Variants in CHLSN observed in about 807,000 individuals in gnomAD.
CHLSN encodes the protein protein cholesin.
the CHLSN span, among the ~76,000 whole-genome samples, chr7:1,079,481 G>C: frequency 6.6e-6 from 1 of 152,224 alleles, no homozygotes; most frequent in African/African-American, 2.4e-5. Flanking sequence ...TCTACGCTGG[G>C]GAGACGGTTT....
At chr7:1,090,578 G>C in the CHLSN span, among the ~76,000 whole-genome samples, 1 of 149,058 alleles carries the variant, frequency 6.7e-6, no homozygotes, top group Non-Finnish European at 1.5e-5. Flanking sequence ...CACGGGGCGG[G>C]TGACGGGACC....
the CHLSN span, chr7:997,722 G>A: frequency 6.8e-6 from 11 of 1,611,492 alleles, no homozygotes; most frequent in South Asian, 2.2e-5. Flanking sequence ...CAGGGCTTCC[G>A]CCTTCTGCAC....
chr7:1,003,330 TGGAGTCCTGTGGGTGG>T, the CHLSN span, among the ~76,000 whole-genome samples: 2 of 18,228 alleles, frequency 1.1e-4, no homozygotes, highest in African/African-American at 3.2e-4. Flanking sequence ...TGTGGGTGAG[TGGAGTCCTGTGGGTGG>T]GGAGTCCTGT....
At chr7:997,747 C>G in the CHLSN span, 8 of 1,537,164 alleles carry the variant, frequency 5.2e-6, no homozygotes, top group Non-Finnish European at 7.2e-6. Context: ...AGCTCTCGGG[C>G]CCGGCCCTGC....
At chr7:1,059,236 G>A in the CHLSN span, 1 of 166,938 alleles carries the variant, frequency 6.0e-6, no homozygotes, top group African/African-American at 2.4e-5. Context: ...CAAAACTAAA[G>A]AATATAAATA....
At chr7:997,795 C>G in the CHLSN span, 1 of 1,604,366 alleles carries the variant, frequency 6.2e-7, no homozygotes. Flanking sequence ...GAGAAGTGCT[C>G]ATCGGGAACC....
chr7:1,058,079 C>A, the CHLSN span: 1 of 767,048 alleles, frequency 1.3e-6, no homozygotes, highest in Non-Finnish European at 2.4e-6. Flanking sequence ...AAGCTGCCGA[C>A]GCCACGCTGG....
the CHLSN span, among the ~76,000 whole-genome samples, chr7:1,014,710 G>A: frequency 6.6e-6 from 1 of 152,262 alleles, no homozygotes; most frequent in East Asian, 1.9e-4. Context: ...CAATCTCCAC[G>A]GTTCCGAATT....
chr7:1,049,070 G>T, the CHLSN span, among the ~76,000 whole-genome samples: 2,789 of 152,306 alleles, frequency 0.018, 110 homozygotes, highest in East Asian at 0.19. Context: ...CCAGGCCTCC[G>T]CGGTCTGACC....
the CHLSN span, among the ~76,000 whole-genome samples, chr7:1,069,149 T>C: frequency 0.11 from 17,454 of 152,112 alleles, 1,226 homozygotes; most frequent in Middle Eastern, 0.26. Context: ...CTTTACCACA[T>C]GGAGAAACCC....
the CHLSN span, chr7:1,055,327 C>T: frequency 2.1e-6 from 1 of 471,140 alleles, no homozygotes. Flanking sequence ...GCGCAGGCGG[C>T]CAGGCGCGCT....
chr7:1,084,704 C>T, the CHLSN span, among the ~76,000 whole-genome samples: 1 of 152,168 alleles, frequency 6.6e-6, no homozygotes, highest in Non-Finnish European at 1.5e-5. Flanking sequence ...GACCCACGCA[C>T]CCCCACTGTA....
At chr7:1,033,923 C>T in the CHLSN span, among the ~76,000 whole-genome samples, 4 of 152,254 alleles carry the variant, frequency 2.6e-5, no homozygotes, top group East Asian at 5.8e-4. Flanking sequence ...GGTGTCCACC[C>T]TCCCACTGTC....
At chr7:1,121,000 C>T in the CHLSN span, among the ~76,000 whole-genome samples, 2 of 151,316 alleles carry the variant, frequency 1.3e-5, no homozygotes, top group South Asian at 2.1e-4. Context: ...GCCCCAAAAA[C>T]GAATGGACAT....
At chr7:1,017,329 C>T in the CHLSN span, among the ~76,000 whole-genome samples, 5 of 151,898 alleles carry the variant, frequency 3.3e-5, no homozygotes, top group African/African-American at 1.2e-4. Flanking sequence ...CCCTGCTGTG[C>T]GGGTGAAGGG....
the CHLSN span, among the ~76,000 whole-genome samples, chr7:1,082,666 C>A: frequency 6.6e-6 from 1 of 152,216 alleles, no homozygotes; most frequent in Admixed American, 6.5e-5. Context: ...CAAAGCATAT[C>A]ACAGCCCCTG....
chr7:1,080,157 A>G, the CHLSN span, among the ~76,000 whole-genome samples: 3 of 152,374 alleles, frequency 2.0e-5, no homozygotes, highest in African/African-American at 7.2e-5. Context: ...GCAGCTTTGT[A>G]TGAAGCTAAA....
chr7:1,068,218 T>C, the CHLSN span, among the ~76,000 whole-genome samples: 1,257 of 152,166 alleles, frequency 8.3e-3, 14 homozygotes, highest in African/African-American at 0.029. Flanking sequence ...CTGCAGTGTG[T>C]CACATGTCCC....
the CHLSN span, chr7:1,092,110 G>T: frequency 6.2e-7 from 1 of 1,613,796 alleles, no homozygotes; most frequent in South Asian, 1.1e-5. Context: ...CGACATCGCC[G>T]TCCTGTGCAC....
Sources: gnomAD v4.1 joint callset for allele counts (sites outside exome capture counted in the v4.1 genomes callset) on GRCh38, gnomAD v4.1.1 for gene constraint, MANE v1.5 for transcripts, NCBI Gene and HGNC (gene_info 2026-07-23, HGNC 2026-07-21) for gene names.